Variants in APOOL observed in about 807,000 individuals in gnomAD.
APOOL encodes the protein apolipoprotein O like.
Under a neutral mutation model 23.1 loss-of-function variants are expected in APOOL, and 12 were observed. That is an observed-to-expected ratio of 0.52 (90% confidence interval 0.33 to 0.84). The LOEUF is 0.84. APOOL is among the 40% of genes least tolerant of loss of function. APOOL has a pLI of 0.02. For missense variants in APOOL, 212 were observed against 199.6 expected, an observed-to-expected ratio of 1.06 and a Z score of -0.37; for synonymous variants, 77 against 69.9, an observed-to-expected ratio of 1.10 and a Z score of -0.51.
chrX:85,025,663 G>A (rs1353284782), intron 1 of APOOL, among the ~76,000 whole-genome samples: 2 of 111,783 alleles, frequency 1.8e-5, no homozygotes, highest in Non-Finnish European at 3.8e-5. Context: ...CACCCAGCAG[G>A]GCAGTCATTA....
intron 2 of APOOL, among the ~76,000 whole-genome samples, chrX:85,050,924 G>GT (rs764379668): frequency 1.7e-4 from 19 of 110,077 alleles, no homozygotes; most frequent in Admixed American, 5.8e-4. Flanking sequence ...GCTAAGCAAT[G>GT]TTTTTTTTAA....
At chrX:85,036,125 C>T (rs1033701846) in intron 1 of APOOL, among the ~76,000 whole-genome samples, 3 of 111,797 alleles carry the variant, frequency 2.7e-5, no homozygotes, top group African/African-American at 9.7e-5. Flanking sequence ...AATGTTTTCC[C>T]ATTTGTTTGT....
intron 8 of APOOL, among the ~76,000 whole-genome samples, chrX:85,086,789 T>C (rs1310192885): frequency 6.9e-5 from 5 of 72,864 alleles, no homozygotes; most frequent in Non-Finnish European, 1.0e-4. Context: ...AAGCTCCGCT[T>C]CCCGGGTTCA....
chrX:85,008,535 T>TTGTGTGTGTGTGTGTGTG lies in APOOL; in HGVS notation c.15+4630_15+4647dup, dbSNP rs57105866. On this transcript the variant is annotated intron_variant, in intron 1 of 8. Transcript: ENST00000373173. ...TTTTTTATGGTTGAATGATAACCCGTTGTGTGTGTGTGTGTGTGTGTGTGT... is the reference window on the plus strand; with the variant it reads ...TTTTTTATGGTTGAATGATAACCCGTTGTGTGTGTGTGTGTGTGTGTGTGTGTGTGTGTGTGTGTGTGT... Among the ~76,000 whole-genome samples, 520 of 86,124 alleles carry TTGTGTGTGTGTGTGTGTG rather than the reference T, an allele frequency of 6.0e-3. 9 individuals carry two copies. Among genetic ancestry groups the TTGTGTGTGTGTGTGTGTG allele is most frequent in the South Asian group, 7.9e-3 (11 of 1,396 alleles). 74.8% of individuals were successfully genotyped at this position (86,124 alleles called of 115,157 possible).
chrX:85,059,974 T>A (rs867859890), intron 5 of APOOL, among the ~76,000 whole-genome samples: 3,709 of 108,653 alleles, frequency 0.034, 183 homozygotes, highest in African/African-American at 0.11. Flanking sequence ...CTGAATGGTA[T>A]TGCCTAGGTT....
Position 85,092,480 on chromosome X carries a change from G to A in APOOL, c.*4802G>A, listed in dbSNP as rs925232826. 21 of 1,207,064 alleles carry A rather than the reference G, an allele frequency of 1.7e-5. No individual in the cohort carries two copies. Among genetic ancestry groups the A allele is most frequent in the African/African-American group, 7.0e-5 (4 of 57,063 alleles). ...TCAGAGGAAAGGTCTAAAGCCCCTC[G>A]ACTAGTATAGTAGTTGATAGAAGCC... On this transcript the variant is annotated 3_prime_UTR_variant, in exon 9 of 9. Transcript: ENST00000373173.
chrX:85,018,626 A>G (rs1406613139), intron 1 of APOOL, among the ~76,000 whole-genome samples: 1 of 109,902 alleles, frequency 9.1e-6, no homozygotes, highest in Non-Finnish European at 1.9e-5. Flanking sequence ...ATCTGCCTTC[A>G]AGTTTGCAGA....
At chrX:85,067,703 A>G (rs1923513477) in intron 6 of APOOL, among the ~76,000 whole-genome samples, 1 of 109,820 alleles carries the variant, frequency 9.1e-6, no homozygotes, top group Non-Finnish European at 1.9e-5. Flanking sequence ...CTTAGAATTA[A>G]GAAACACCTG....
rs1036847932 is a variant in APOOL, at chrX:85,090,632, A to G, written c.*2954A>G. ...TGCTAATGTGTATTATATTGTCTTT[A>G]TGACATACCATTTGTTTCTTGAACA... On this transcript the variant is annotated 3_prime_UTR_variant, in exon 9 of 9. Coordinates refer to ENST00000373173, the MANE Select transcript of APOOL (RefSeq NM_198450.6). 9.0e-6 allele frequency: 1 copy of G among 110,914 alleles called. No homozygotes were observed. The highest frequency in any genetic ancestry group is 1.9e-5 in the Non-Finnish European group (1 of 52,944). The allele number at this position is 110,914 out of a possible 1,213,427, so 9.1% of individuals were successfully genotyped here.
chrX:85,045,175 A>T (rs749524146), intron 1 of APOOL, among the ~76,000 whole-genome samples: 1 of 111,629 alleles, frequency 9.0e-6, no homozygotes, highest in Admixed American at 9.5e-5. Flanking sequence ...AAAAAAATTG[A>T]TGTCTTTAAG....
intron 1 of APOOL, among the ~76,000 whole-genome samples, chrX:85,019,267 C>G (rs1360871914): frequency 3.1e-5 from 3 of 95,675 alleles, no homozygotes. Flanking sequence ...TGAGGCCTAT[C>G]TGAAAGATAT....
intron 8 of APOOL, among the ~76,000 whole-genome samples, chrX:85,083,664 G>A (rs753929407): frequency 8.9e-6 from 1 of 111,857 alleles, no homozygotes; most frequent in African/African-American, 3.2e-5. Flanking sequence ...ATGTCATCCT[G>A]ATTTTATATA....
intron 1 of APOOL, among the ~76,000 whole-genome samples, chrX:85,030,467 T>C: frequency 9.0e-6 from 1 of 111,343 alleles, no homozygotes; most frequent in Non-Finnish European, 1.9e-5. Context: ...AATTCATCCA[T>C]GTGACCAAAA....
At chrX:85,026,511 T>G (rs60783360) in intron 1 of APOOL, among the ~76,000 whole-genome samples, 5,051 of 113,079 alleles carry the variant, frequency 0.045, 245 homozygotes, top group African/African-American at 0.15. Flanking sequence ...ATGGCCAGGC[T>G]GCAAATATTT....
intron 1 of APOOL, among the ~76,000 whole-genome samples, chrX:85,044,954 G>A (rs1037060532): frequency 1.8e-5 from 2 of 111,503 alleles, no homozygotes; most frequent in Admixed American, 9.5e-5. Context: ...AAGAAGTAAA[G>A]TCTAGTCAGG....
At chrX:85,026,423 C>G (rs1393263957) in intron 1 of APOOL, among the ~76,000 whole-genome samples, 3 of 113,281 alleles carry the variant, frequency 2.6e-5, no homozygotes, top group African/African-American at 9.6e-5. Context: ...GCCCTTGGCT[C>G]CCTTTTAGTT....
rs751585563 is a variant in APOOL, at chrX:85,031,057, C to T, written c.16-15389C>T. Among the ~76,000 whole-genome samples the T allele has an allele frequency of 5.4e-5, 6 of 111,927 alleles. No individual in the cohort carries two copies. The South Asian group carries it at 2.2e-3, about 41-fold the overall frequency. Reference sequence around the variant, plus strand: ...TGATAAATTTCATTTGTGTTGGAGCCAGATTGATTGGGTCCTCAAATGCCT... The same window carrying T: ...TGATAAATTTCATTTGTGTTGGAGCTAGATTGATTGGGTCCTCAAATGCCT... On this transcript the variant is annotated intron_variant, in intron 1 of 8. Coordinates refer to ENST00000373173, the MANE Select transcript of APOOL (RefSeq NM_198450.6).
At chrX:85,079,231 C>T (rs974242915) in intron 8 of APOOL, among the ~76,000 whole-genome samples, 8 of 111,533 alleles carry the variant, frequency 7.2e-5, no homozygotes, top group African/African-American at 2.6e-4. Context: ...GTGGGTTTGT[C>T]ATAAATAGCT....
intron 5 of APOOL, among the ~76,000 whole-genome samples, chrX:85,058,554 T>C (rs967006728): frequency 7.1e-5 from 8 of 111,967 alleles, no homozygotes; most frequent in African/African-American, 2.6e-4. Context: ...TGTATCTTTA[T>C]AATAGAATGA....
Sources: gnomAD v4.1 joint callset for allele counts (sites outside exome capture counted in the v4.1 genomes callset) on GRCh38, gnomAD v4.1.1 for gene constraint, MANE v1.5 for transcripts, NCBI Gene and HGNC (gene_info 2026-07-23, HGNC 2026-07-21) for gene names.